The following PSMB10 variants were observed in gnomAD, a reference collection of about 807,000 sequenced individuals.
The protein encoded by PSMB10 is proteasome subunit beta type-10.
A neutral mutation model predicts 29.8 loss-of-function variants in PSMB10; 29 were observed. The observed-to-expected ratio is 0.97, with a 90% confidence interval of 0.73 to 1.33. PSMB10 has a LOEUF of 1.33. Ranked by LOEUF, PSMB10 falls within the 40% of genes most tolerant of loss-of-function variation. PSMB10 has a pLI of 0.00. For synonymous variants in PSMB10, 157 were observed against 164.7 expected, an observed-to-expected ratio of 0.95 and a Z score of 0.36; for missense variants, 327 against 369.2, an observed-to-expected ratio of 0.89 and a Z score of 0.94.
Position 67,935,566 on chromosome 16 carries a change from G to A in PSMB10, c.499+16C>T, listed in dbSNP as rs2058259693. ...CACAGGGGCAGAGTTCGAGGAGAAG[G>A]GACAGAAGCGCTCACCCAGGGCTGT... On this transcript the variant is annotated intron_variant, in intron 5 of 7. Transcript: ENST00000358514. The A allele has an allele frequency of 1.2e-6, 2 of 1,613,816 alleles. No individual in the cohort carries two copies. The highest frequency in any genetic ancestry group is 1.7e-5 in the Admixed American group (1 of 60,010).
chr16:67,934,593 C>A lies in PSMB10; in HGVS notation c.789G>T (p.Val263=). 1 of 1,614,174 alleles carries A rather than the reference C, an allele frequency of 6.2e-7. No individual in the cohort carries two copies. Among genetic ancestry groups the A allele is most frequent in the Non-Finnish European group, 8.5e-7 (1 of 1,180,016 alleles). ...QTVKPLTLEL[V]EETVQAMEVE ...CCTCCATAGCCTGCACAGTTTCCTC[C>A]ACTAGCTCCAGGGTTAGTGGCTTCA... Residue 263 remains valine, a synonymous_variant, in exon 8 of 8, where the codon GTG becomes GTT. Coordinates refer to ENST00000358514, the MANE Select transcript of PSMB10 (RefSeq NM_002801.4). The surrounding 1 kb of genome is among the most constrained non-coding windows in gnomAD (Gnocchi z 4.3).
rs774470493 is a variant in PSMB10 at position 67,935,454 on chromosome 16, G to A, written c.524C>T (p.Ala175Val). The change falls in exon 6 of 8, where the codon GCG (alanine) becomes GTG (valine). Residue 175 changes from alanine (A) to valine (V), a missense_variant. Coordinates refer to ENST00000358514, the MANE Select transcript of PSMB10 (RefSeq NM_002801.4). ...CGGCTGGAACCGGTCTTCTAGCACCGCCAGGGCCGCGTCCTGACCAGAGCC... is the reference window on the plus strand; with the variant it reads ...CGGCTGGAACCGGTCTTCTAGCACCACCAGGGCCGCGTCCTGACCAGAGCC... ...ALGSGQDAAL[A>V]VLEDRFQPNM... 11 of 1,614,108 alleles carry A rather than the reference G, an allele frequency of 6.8e-6. No homozygotes were observed. In the East Asian group the frequency reaches 2.5e-4, roughly 36 times the overall value.
Position 67,934,603 on chromosome 16 carries a change from A to G in PSMB10, c.779T>C (p.Leu260Pro), listed in dbSNP as rs756420716. The change falls in exon 8 of 8, where the codon CTG becomes CCG. Residue 260 changes from leucine to proline, a missense_variant. Coordinates refer to ENST00000358514, the MANE Select transcript of PSMB10 (RefSeq NM_002801.4). This position sits in a 1 kb window ranked among gnomAD's most constrained non-coding sequence, Gnocchi z 4.3. The stretch of plus-strand genomic sequence containing the variant: ...CTGCACAGTTTCCTCCACTAGCTCC[A>G]GGGTTAGTGGCTTCACTGTCTGGGT... The part of the protein sequence containing the change: ...VLTQTVKPLT[L>P]ELVEETVQAM... 4.3e-6 allele frequency: 7 copies of G among 1,614,134 alleles called. No individual in the cohort carries two copies. Among genetic ancestry groups the G allele is most frequent in the Non-Finnish European group, 5.9e-6 (7 of 1,180,012 alleles).
chr16:67,935,888 C>A (rs2058261282), intron 4 of PSMB10, 75 bp downstream of exon 4: 2 of 1,559,402 alleles, frequency 1.3e-6, no homozygotes, highest in South Asian at 2.4e-5. Context: ...TCCCGCCCTT[C>A]TTTCTGTCCC....
chr16:67,935,773 A>G (rs2058260877), intron 4 of PSMB10, 76 bp from the exon 5 acceptor site: 1 of 1,523,624 alleles, frequency 6.6e-7, no homozygotes, highest in African/African-American at 1.4e-5. Flanking sequence ...CCTAGGTGCT[A>G]TCCCCGCCCC....
rs1241200723 is a variant in PSMB10 at position 67,934,771 on chromosome 16, T to C, written c.710+26A>G. The C allele has an allele frequency of 5.0e-6, 8 of 1,611,954 alleles. No individual in the cohort carries two copies. The South Asian group carries it at 6.6e-5, about 13-fold the overall frequency. On this transcript the variant is annotated intron_variant, in intron 7 of 7. Transcript: ENST00000358514. The surrounding 1 kb of genome is among the most constrained non-coding windows in gnomAD (Gnocchi z 4.3). ...CCCCTGCTATAGCCCCACACATCCC[T>C]GTGGTCCCCGATCTCCAGCTCTCAC...
At chr16:67,936,147 C>A in intron 3 of PSMB10, 44 bp from the exon 4 acceptor site, 1 of 1,608,476 alleles carries the variant, frequency 6.2e-7, no homozygotes. Context: ...CTGGGACGTG[C>A]GGGGACCGGA....
In PSMB10 at chr16:67,934,954, G is replaced by T; in HGVS notation, c.559-6C>A. 1 of 1,609,262 alleles carries T rather than the reference G, an allele frequency of 6.2e-7. No individual in the cohort carries two copies. On this transcript the variant is annotated splice_polypyrimidine_tract_variant and splice_region_variant and intron_variant, in intron 6 of 7. Coordinates refer to ENST00000358514, the MANE Select transcript of PSMB10 (RefSeq NM_002801.4). This position sits in a 1 kb window ranked among gnomAD's most constrained non-coding sequence, Gnocchi z 4.3. ...AGCCCCTGAGCAGCCTCCAGCTGCGGTGATGGGTGTGTGAGACCTAACGGG... is the reference window on the plus strand; with the variant it reads ...AGCCCCTGAGCAGCCTCCAGCTGCGTTGATGGGTGTGTGAGACCTAACGGG...
intron 3 of PSMB10, 29 bp from the exon 4 acceptor site, chr16:67,936,132 C>T: frequency 6.2e-7 from 1 of 1,608,116 alleles, no homozygotes; most frequent in Non-Finnish European, 8.5e-7. Flanking sequence ...TCGGTGTGGG[C>T]AGGGCTGGGA....
intron 4 of PSMB10, 41 bp downstream of exon 4, chr16:67,935,922 T>C: frequency 6.3e-7 from 1 of 1,588,684 alleles, no homozygotes; most frequent in Non-Finnish European, 8.6e-7. Flanking sequence ...CCCAACCCCG[T>C]AACTACCCCT....
At chr16:67,936,529 G>T (rs1240809661) in intron 1 of PSMB10, 44 bp from the exon 2 acceptor site, 1 of 1,555,850 alleles carries the variant, frequency 6.4e-7, no homozygotes. Flanking sequence ...CTGCTTTCAA[G>T]ACCCCTGTTG....
At chr16:67,936,376 C>G (rs1490344646) in intron 2 of PSMB10, 22 bp downstream of exon 2, 3 of 1,611,206 alleles carry the variant, frequency 1.9e-6, no homozygotes, top group Non-Finnish European at 2.5e-6. Context: ...CCTCCAGCTC[C>G]CCGTCCCTCC....
At position 67,934,900 on chromosome 16, in the gene PSMB10, A is replaced by C. The variant is rs1466073112; in HGVS notation, c.607T>G (p.Leu203Val). ...LLVEAVTAGI[L>V]GDLGSGGNVD... ...TTGCCCCCGGAGCCCAGGTCACCCA[A>C]GATCCCGGCGGTGACGGCTTCCACC... is the stretch of plus-strand genomic sequence containing the variant. Residue 203 changes from leucine (L) to valine (V), a missense_variant, in exon 7 of 8, where the codon TTG becomes GTG. Physicochemically the swap from Leu to Val is conservative, Grantham distance 32. Transcript: ENST00000358514. This position sits in a 1 kb window ranked among gnomAD's most constrained non-coding sequence, Gnocchi z 4.3. The C allele has an allele frequency of 6.2e-7, 1 of 1,613,674 alleles. No homozygotes were observed. The highest frequency in any genetic ancestry group is 1.7e-5 in the Admixed American group (1 of 60,024).
At chr16:67,935,069 T>C (rs1290000088) in intron 6 of PSMB10, 121 bp from the exon 7 acceptor site, 1 of 1,348,920 alleles carries the variant, frequency 7.4e-7, no homozygotes. Context: ...CCACTGTGTT[T>C]CTCCCTCTGA....
At position 67,935,468 on chromosome 16, in the gene PSMB10, C is replaced by A. The variant is rs776644097; in HGVS notation, c.510G>T (p.Gln170His). 2 of 1,614,210 alleles carry A rather than the reference C, an allele frequency of 1.2e-6. No individual in the cohort carries two copies. The highest frequency in any genetic ancestry group is 1.7e-6 in the Non-Finnish European group (2 of 1,180,052). Reference sequence around the variant, plus strand: ...CTTCTAGCACCGCCAGGGCCGCGTCCTGACCAGAGCCTGAAGGCAGGAGAA... The same window carrying A: ...CTTCTAGCACCGCCAGGGCCGCGTCATGACCAGAGCCTGAAGGCAGGAGAA... ...RLPFTALGSG[Q>H]DAALAVLEDR... The change falls in exon 6 of 8, where the codon CAG becomes CAT. Residue 170 changes from glutamine to histidine, a missense_variant. Transcript: ENST00000358514.
chr16:67,936,609 C>T lies in PSMB10; in HGVS notation c.56+85G>A, dbSNP rs538360569. 220 of 1,453,060 alleles carry T rather than the reference C, an allele frequency of 1.5e-4. No individual in the cohort carries two copies. In the Middle Eastern group the frequency reaches 2.1e-3, roughly 14 times the overall value. The allele number at this position is 1,453,060 out of a possible 1,614,324, so 90.0% of individuals were successfully genotyped here. A position where few individuals can be genotyped will look rare whatever the true frequency, so the allele number is the denominator to read the frequency against. On this transcript the variant is annotated intron_variant, in intron 1 of 7. Coordinates refer to ENST00000358514, the MANE Select transcript of PSMB10 (RefSeq NM_002801.4). ...CCTGGAACCCAAGTCGACCAACACACCCTCCCCCACCCCCAGCCAGGAAAA... is the reference window on the plus strand; with the variant it reads ...CCTGGAACCCAAGTCGACCAACACATCCTCCCCCACCCCCAGCCAGGAAAA...
chr16:67,934,563 C>G lies in PSMB10; in HGVS notation c.819G>C (p.Glu273Asp). 1 of 1,613,552 alleles carries G rather than the reference C, an allele frequency of 6.2e-7. No homozygotes were observed. The highest frequency in any genetic ancestry group is 8.5e-7 in the Non-Finnish European group (1 of 1,179,424). Residue 273 changes from glutamate to aspartate, a missense_variant, in exon 8 of 8, where the codon GAG (glutamate) becomes GAC (aspartate). Glu to Asp is a conservative substitution (Grantham distance 45). Transcript: ENST00000358514. The surrounding 1 kb of genome is among the most constrained non-coding windows in gnomAD (Gnocchi z 4.3). The part of the protein sequence containing the change: ...VEETVQAMEV[E>D] ...GTTCCAAGCTCTAAGCCTCAGCTTA[C>G]TCCACCTCCATAGCCTGCACAGTTT...
Position 67,934,987 on chromosome 16 carries a change from T to C in PSMB10, c.559-39A>G, listed in dbSNP as rs747538406. On this transcript the variant is annotated intron_variant, in intron 6 of 7. Coordinates refer to ENST00000358514, the MANE Select transcript of PSMB10 (RefSeq NM_002801.4). This position sits in a 1 kb window ranked among gnomAD's most constrained non-coding sequence, Gnocchi z 4.3. ...TGTGTGAGACCTAACGGGCTCTCTCTGCTGTTAACTTAGGCTACAGCCTGG... is the reference window on the plus strand; with the variant it reads ...TGTGTGAGACCTAACGGGCTCTCTCCGCTGTTAACTTAGGCTACAGCCTGG... The C allele has an allele frequency of 6.3e-7, 1 of 1,596,702 alleles. No individual in the cohort carries two copies. Among genetic ancestry groups the C allele is most frequent in the East Asian group, 2.2e-5 (1 of 44,802 alleles).
At chr16:67,935,759 A>G in intron 4 of PSMB10, 62 bp from the exon 5 acceptor site, 1 of 1,564,286 alleles carries the variant, frequency 6.4e-7, no homozygotes, top group Non-Finnish European at 8.7e-7. Flanking sequence ...CTCTATGCCC[A>G]GCTCCTAGGT....
Sources: allele counts gnomAD v4.1 joint callset, GRCh38; gene constraint gnomAD v4.1.1; non-coding constraint Gnocchi (gnomAD v3.1); transcripts MANE v1.5; gene names NCBI Gene and HGNC (gene_info 2026-07-23, HGNC 2026-07-21).